TBC1D22A: variants seen among roughly 807,000 people sequenced by gnomAD.
TBC1D22A encodes the protein putative GTPase activator.
A neutral mutation model predicts 60.2 loss-of-function variants in TBC1D22A; 38 were observed. That is an observed-to-expected ratio of 0.63 (90% confidence interval 0.49 to 0.83). TBC1D22A has a LOEUF of 0.83. TBC1D22A is among the 40% of genes least tolerant of loss of function. The probability of loss-of-function intolerance (pLI) is 0.00; values close to 1 mark genes in which losing one functional copy is unlikely to be tolerated. For synonymous variants in TBC1D22A, 302 were observed against 281.7 expected (o/e 1.07, Z -0.72); for missense variants, 628 against 701.0 (o/e 0.90, Z 1.18).
chr22:47,160,590 A>AGTTG (rs2067940823), intron 12 of TBC1D22A, among the ~76,000 whole-genome samples: 1 of 152,160 alleles, frequency 6.6e-6, no homozygotes, highest in Non-Finnish European at 1.5e-5. Flanking sequence ...CTCACCCCGG[A>AGTTG]CCACATGCTG....
rs1394499575 is a variant in TBC1D22A at position 47,021,580 on chromosome 22, G to A, written c.1202-15491G>A. Reference sequence around the variant, plus strand: ...AGGGAACCAGGCAGAACCTCACCTCGAGCCTGGAGCCCTGAGCAGGGAACC... The same window carrying A: ...AGGGAACCAGGCAGAACCTCACCTCAAGCCTGGAGCCCTGAGCAGGGAACC... On this transcript the variant is annotated intron_variant, in intron 10 of 12. Transcript: ENST00000337137. 4.2e-5 allele frequency among the ~76,000 whole-genome samples: 4 copies of A among 94,622 alleles called. No individual in the cohort carries two copies. The East Asian group carries it at 1.4e-3, about 33-fold the overall frequency. 62.1% of individuals were successfully genotyped at this position (94,622 alleles called of 152,430 possible).
At chr22:47,164,102 C>T (rs1318022347) in intron 12 of TBC1D22A, among the ~76,000 whole-genome samples, 1 of 152,236 alleles carries the variant, frequency 6.6e-6, no homozygotes, top group Non-Finnish European at 1.5e-5. Context: ...TTCAGATGAG[C>T]CCGAGGCCTC....
chr22:46,766,199 G>A (rs868838443), intron 1 of TBC1D22A, among the ~76,000 whole-genome samples: 68 of 151,964 alleles, frequency 4.5e-4, no homozygotes, highest in Middle Eastern at 3.4e-3. Flanking sequence ...GGGTTTCACC[G>A]TGCTAGCCAG....
In TBC1D22A at chr22:46,932,720, C is replaced by CTTTTT. The variant is rs67463903; in HGVS notation, c.1015+20550_1015+20554dup. ...AGTGCAGTGTGCGTTGTCCTTCTTG[C>CTTTTT]TTTTTTTTTTTTTTTTTTTTTTGAG... On this transcript the variant is annotated intron_variant, in intron 8 of 12. Coordinates refer to ENST00000337137, the MANE Select transcript of TBC1D22A (RefSeq NM_014346.5). 9.4e-3 allele frequency among the ~76,000 whole-genome samples: 626 copies of CTTTTT among 66,306 alleles called. 71 individuals carry two copies. Among genetic ancestry groups the CTTTTT allele is most frequent in the African/African-American group, 0.035 (515 of 14,742 alleles). 43.5% of individuals were successfully genotyped at this position (66,306 alleles called of 152,430 possible).
At chr22:47,070,493 T>C (rs71313086) in intron 11 of TBC1D22A, among the ~76,000 whole-genome samples, 141 of 140,804 alleles carry the variant, frequency 1.0e-3, no homozygotes, top group African/African-American at 1.8e-3. Context: ...TCCAGGCTGT[T>C]CCCTGTTGTT....
At chr22:46,909,778 GC>G (rs2069769482) in intron 7 of TBC1D22A, among the ~76,000 whole-genome samples, 2 of 152,114 alleles carry the variant, frequency 1.3e-5, no homozygotes, top group African/African-American at 4.8e-5. Flanking sequence ...CTGGACCCGT[GC>G]CCCGTGCCTG....
intron 10 of TBC1D22A, among the ~76,000 whole-genome samples, chr22:47,008,008 G>C (rs918040934): frequency 1.3e-5 from 2 of 152,180 alleles, no homozygotes; most frequent in African/African-American, 4.8e-5. Context: ...AGGTGGAGCA[G>C]AAGAATCAAG....
intron 4 of TBC1D22A, among the ~76,000 whole-genome samples, chr22:46,823,409 G>A (rs139590): frequency 0.26 from 40,070 of 152,156 alleles, 5,423 homozygotes; most frequent in South Asian, 0.4. Flanking sequence ...TCTGTTCTTC[G>A]TGTGGTTGAT....
chr22:46,922,600 A>AT (rs1351640761), intron 8 of TBC1D22A, among the ~76,000 whole-genome samples: 5 of 152,040 alleles, frequency 3.3e-5, no homozygotes, highest in East Asian at 1.9e-4. Flanking sequence ...TTCATCTCTG[A>AT]TTTTTTTGAG....
At chr22:47,060,697 G>T (rs1454062036) in intron 11 of TBC1D22A, among the ~76,000 whole-genome samples, 2 of 152,122 alleles carry the variant, frequency 1.3e-5, no homozygotes, top group Non-Finnish European at 2.9e-5. Flanking sequence ...CTTTCTTTTT[G>T]GGAGAAGTTG....
chr22:46,774,334 C>G, intron 1 of TBC1D22A: 2 of 871,488 alleles, frequency 2.3e-6, no homozygotes, highest in Non-Finnish European at 2.8e-6. Context: ...TGGGCTCTTC[C>G]CATTTCTGGG....
At chr22:46,892,362 T>G (rs995794145) in intron 6 of TBC1D22A, among the ~76,000 whole-genome samples, 4 of 151,692 alleles carry the variant, frequency 2.6e-5, no homozygotes, top group African/African-American at 9.7e-5. Context: ...TTAAGTTAAA[T>G]GCCTTCCTGG....
At chr22:46,913,809 G>T (rs995040572) in intron 8 of TBC1D22A, 7 of 970,194 alleles carry the variant, frequency 7.2e-6, no homozygotes, top group Non-Finnish European at 8.6e-6. Context: ...GCCAACTTCT[G>T]TTGTAAGACC....
chr22:47,113,509 T>C (rs557025651), intron 12 of TBC1D22A, among the ~76,000 whole-genome samples: 1 of 152,050 alleles, frequency 6.6e-6, no homozygotes, highest in South Asian at 2.1e-4. Flanking sequence ...TGTCTCATCG[T>C]CTCCAGAAAT....
intron 1 of TBC1D22A, chr22:46,773,840 CTAT>C: frequency 4.0e-6 from 3 of 759,428 alleles, no homozygotes; most frequent in Non-Finnish European, 4.8e-6. Flanking sequence ...CGTGTGGTCC[CTAT>C]TTTACAAATG....
chr22:47,136,978 G>T (rs565587145), intron 12 of TBC1D22A, among the ~76,000 whole-genome samples: 1 of 152,326 alleles, frequency 6.6e-6, no homozygotes, highest in East Asian at 1.9e-4. Context: ...TGTGCAGGTG[G>T]CGAGTGTGAG....
chr22:46,872,301 T>G (rs1043294516), intron 4 of TBC1D22A, among the ~76,000 whole-genome samples: 5 of 152,194 alleles, frequency 3.3e-5, no homozygotes, highest in Non-Finnish European at 7.3e-5. Context: ...TAGTAAACAC[T>G]TCTCATTTTT....
chr22:46,836,268 T>G (rs904812849), intron 4 of TBC1D22A, among the ~76,000 whole-genome samples: 1 of 152,194 alleles, frequency 6.6e-6, no homozygotes, highest in Non-Finnish European at 1.5e-5. Context: ...GCTACAACAT[T>G]TAGTTAATGG....
At chr22:46,931,766 A>G (rs529119836) in intron 8 of TBC1D22A, among the ~76,000 whole-genome samples, 5 of 152,344 alleles carry the variant, frequency 3.3e-5, no homozygotes, top group East Asian at 3.9e-4. Flanking sequence ...CTTTAAAGCC[A>G]TACTGAGGAG....
Sources: allele counts gnomAD v4.1 joint callset (sites outside exome capture counted in the v4.1 genomes callset), GRCh38; gene constraint gnomAD v4.1.1; transcripts MANE v1.5; gene names NCBI Gene and HGNC (gene_info 2026-07-23, HGNC 2026-07-21).